Variants in JAKMIP2 observed in about 807,000 individuals in gnomAD.
The protein encoded by JAKMIP2 is janus kinase and microtubule interacting protein 2.
Under a neutral mutation model 115.0 loss-of-function variants are expected in JAKMIP2, and 25 were observed. That is an observed-to-expected ratio of 0.22 (90% CI 0.16 to 0.30). The LOEUF (loss-of-function observed/expected upper bound fraction) is 0.30, where lower values mean the gene tolerates loss of function less well. JAKMIP2 is among the 10% of genes least tolerant of loss of function. The pLI is 1.00. For missense variants in JAKMIP2, 642 were observed against 957.6 expected, an observed-to-expected ratio of 0.67 and a Z score of 4.35; for synonymous variants, 334 against 343.6, an observed-to-expected ratio of 0.97 and a Z score of 0.31.
intron 2 of JAKMIP2, among the ~76,000 whole-genome samples, chr5:147,670,555 G>C (rs898155467): frequency 6.6e-6 from 1 of 152,134 alleles, no homozygotes; most frequent in East Asian, 1.9e-4. Context: ...ATGGGATTGA[G>C]AGAAGTAAAG....
chr5:147,638,920 T>C (rs553009192), intron 10 of JAKMIP2, among the ~76,000 whole-genome samples: 2 of 152,310 alleles, frequency 1.3e-5, no homozygotes, highest in East Asian at 3.9e-4. Context: ...TAGGATTATA[T>C]AGATAATGTG....
intron 18 of JAKMIP2, among the ~76,000 whole-genome samples, chr5:147,620,462 T>C (rs1461860060): frequency 2.0e-5 from 3 of 152,272 alleles, no homozygotes; most frequent in Middle Eastern, 3.4e-3. Context: ...TATTAGGTAT[T>C]ATAAGAATAT....
intron 1 of JAKMIP2, among the ~76,000 whole-genome samples, chr5:147,717,894 G>C (rs1443478749): frequency 1.5e-5 from 1 of 66,876 alleles, no homozygotes; most frequent in African/African-American, 6.2e-5. Context: ...TTGAATAGGA[G>C]TGGTGAGAGA....
At chr5:147,725,481 C>T (rs527358950) in intron 1 of JAKMIP2, among the ~76,000 whole-genome samples, 1 of 152,212 alleles carries the variant, frequency 6.6e-6, no homozygotes, top group African/African-American at 2.4e-5. Context: ...TGGGACCTAC[C>T]CCTTTTTGGC....
chr5:147,661,491 G>A, intron 2 of JAKMIP2, 46 bp from the exon 3 acceptor site: 2 of 1,567,346 alleles, frequency 1.3e-6, no homozygotes, highest in South Asian at 1.2e-5. Flanking sequence ...AGCCTCAAAG[G>A]ACGGGTGTGC....
intron 1 of JAKMIP2, among the ~76,000 whole-genome samples, chr5:147,702,626 AAGAAAGAAAG>A (rs1752399361): frequency 7.7e-6 from 1 of 129,410 alleles, no homozygotes; most frequent in East Asian, 2.6e-4. Flanking sequence ...GAAAGAAAGA[AAGAAAGAAAG>A]AAAGAAAGAA....
intron 20 of JAKMIP2, among the ~76,000 whole-genome samples, chr5:147,602,533 C>T (rs1263633133): frequency 3.3e-5 from 5 of 152,122 alleles, no homozygotes; most frequent in Non-Finnish European, 7.4e-5. Context: ...TAGACTTCTT[C>T]TTATTTGAGT....
At chr5:147,682,727 C>A (rs1025640508) in intron 1 of JAKMIP2, among the ~76,000 whole-genome samples, 12 of 152,122 alleles carry the variant, frequency 7.9e-5, no homozygotes, top group Admixed American at 5.2e-4. Context: ...TGGGAAATTT[C>A]TTTTATTTTG....
At chr5:147,720,252 C>T (rs1317937243) in intron 1 of JAKMIP2, among the ~76,000 whole-genome samples, 4 of 152,014 alleles carry the variant, frequency 2.6e-5, no homozygotes, top group African/African-American at 7.3e-5. Context: ...TTGAGGGTAA[C>T]CCGACCTTTC....
At position 147,782,569 on chromosome 5, in the gene JAKMIP2, GT is replaced by G. The variant is rs1011475995; in HGVS notation, c.-263del. The G allele has an allele frequency of 6.2e-4, 647 of 1,036,978 alleles. No homozygotes were observed. Among genetic ancestry groups the G allele is most frequent in the South Asian group, 8.8e-4 (58 of 65,606 alleles). The allele number at this position is 1,036,978 out of a possible 1,614,324, so 64.2% of individuals were successfully genotyped here. A position where few individuals can be genotyped will look rare whatever the true frequency, so the allele number is the denominator to read the frequency against. ...AACCCAACATCAGCAGTGGCTGCCGGTTTTTTTTTTCCCTCTGTCTCTGGTT... is the reference window on the plus strand; with the variant it reads ...AACCCAACATCAGCAGTGGCTGCCGGTTTTTTTTTCCCTCTGTCTCTGGTT... On this transcript the variant is annotated 5_prime_UTR_variant, in exon 1 of 22. Coordinates refer to ENST00000616793, the MANE Select transcript of JAKMIP2 (RefSeq NM_001270941.2).
chr5:147,654,628 A>C (rs1346477690), intron 3 of JAKMIP2, among the ~76,000 whole-genome samples: 2 of 152,048 alleles, frequency 1.3e-5, no homozygotes, highest in Non-Finnish European at 2.9e-5. Context: ...ATCATGGGGA[A>C]TTCTAAATAC....
intron 10 of JAKMIP2, among the ~76,000 whole-genome samples, chr5:147,637,535 G>A (rs1757682590): frequency 6.8e-6 from 1 of 147,548 alleles, no homozygotes; most frequent in Non-Finnish European, 1.5e-5. Flanking sequence ...CGCCTCCTGG[G>A]TTCAAGCAAT....
At chr5:147,659,647 C>T (rs901671485) in intron 3 of JAKMIP2, among the ~76,000 whole-genome samples, 27 of 152,164 alleles carry the variant, frequency 1.8e-4, no homozygotes, top group Non-Finnish European at 3.4e-4. Context: ...GCAAAGCTGC[C>T]TTTTCATTGA....
In JAKMIP2 at chr5:147,588,063, T is replaced by A. The variant is rs1754948166; in HGVS notation, c.*3644A>T. On this transcript the variant is annotated 3_prime_UTR_variant, in exon 22 of 22. Transcript: ENST00000616793. ...AAGGGTTGTAATTTTTTTCAGCAAA[T>A]TCTATTTCCTAAAAGTAGGGTGGCA... 1 of 152,096 alleles carries A rather than the reference T, an allele frequency of 6.6e-6. No homozygotes were observed. Among genetic ancestry groups the A allele is most frequent in the Admixed American group, 6.6e-5 (1 of 15,256 alleles). 9.4% of individuals were successfully genotyped at this position (152,096 alleles called of 1,614,324 possible). A position where few individuals can be genotyped will look rare whatever the true frequency, so the allele number is the denominator to read the frequency against.
chr5:147,778,425 C>G (rs1755643517), intron 1 of JAKMIP2, among the ~76,000 whole-genome samples: 1 of 151,956 alleles, frequency 6.6e-6, no homozygotes, highest in African/African-American at 2.4e-5. Flanking sequence ...AGCCACACAA[C>G]ACAGATTAGT....
At chr5:147,604,055 C>G (rs1755862663) in intron 20 of JAKMIP2, among the ~76,000 whole-genome samples, 1 of 152,082 alleles carries the variant, frequency 6.6e-6, no homozygotes, top group Admixed American at 6.5e-5. Context: ...AGAGAGAGAG[C>G]TAAGAGCTGG....
intron 1 of JAKMIP2, among the ~76,000 whole-genome samples, chr5:147,755,034 A>G (rs1316466107): frequency 6.6e-6 from 1 of 152,190 alleles, no homozygotes; most frequent in Admixed American, 6.5e-5. Flanking sequence ...TTTTATGACT[A>G]TAGAGTTGGA....
At position 147,589,517 on chromosome 5, in the gene JAKMIP2, G is replaced by A. The variant is rs6580483; in HGVS notation, c.*2190C>T. The A allele has an allele frequency of 0.94, 143,428 of 151,798 alleles. 68,177 individuals carry two copies. The highest frequency in any genetic ancestry group is 1 in the Non-Finnish European group (67,905 of 68,018). 9.4% of individuals were successfully genotyped at this position (151,798 alleles called of 1,614,324 possible). A position where few individuals can be genotyped will look rare whatever the true frequency, so the allele number is the denominator to read the frequency against. On this transcript the variant is annotated 3_prime_UTR_variant, in exon 22 of 22. Coordinates refer to ENST00000616793, the MANE Select transcript of JAKMIP2 (RefSeq NM_001270941.2). ...TCTTCCCAGTAGGGCATACCACCTGGCTTTCCTCCAGAATAAAAGATAATC... is the reference window on the plus strand; with the variant it reads ...TCTTCCCAGTAGGGCATACCACCTGACTTTCCTCCAGAATAAAAGATAATC...
At chr5:147,616,158 C>A (rs535836515) in intron 19 of JAKMIP2, among the ~76,000 whole-genome samples, 1 of 151,894 alleles carries the variant, frequency 6.6e-6, no homozygotes, top group Non-Finnish European at 1.5e-5. Flanking sequence ...TCAAGCAGAA[C>A]GGTGTAATAC....
Sources: gnomAD v4.1 joint callset for allele counts (sites outside exome capture counted in the v4.1 genomes callset) on GRCh38, gnomAD v4.1.1 for gene constraint, MANE v1.5 for transcripts, NCBI Gene and HGNC (gene_info 2026-07-23, HGNC 2026-07-21) for gene names.